The following ARL15 variants were observed in gnomAD, a reference collection of about 807,000 sequenced individuals.
The protein encoded by ARL15 is ARF like GTPase 15.
In ARL15, 19 loss-of-function variants were observed where a neutral mutation model predicts 25.2. The observed-to-expected ratio is 0.75, with a 90% CI of 0.53 to 1.10. ARL15 has a LOEUF of 1.10. Ranked by LOEUF, ARL15 falls within the 50% of genes least tolerant of loss-of-function variation. The pLI is 0.00. For missense variants in ARL15, 220 were observed against 246.0 expected (o/e 0.89, Z 0.71); for synonymous variants, 94 against 86.8 (o/e 1.08, Z -0.46).
rs375545416 is a variant in ARL15, at chr5:54,069,254, TG to T, written c.462+43947del. On this transcript the variant is annotated intron_variant, in intron 4 of 4. Coordinates refer to ENST00000504924, the MANE Select transcript of ARL15 (RefSeq NM_019087.3). ...TTGTATGTACTATGGTTTGAATCTTTGTCCCCTCCAAAACTCATGTTAAAAC... is the reference window on the plus strand; with the variant it reads ...TTGTATGTACTATGGTTTGAATCTTTTCCCCTCCAAAACTCATGTTAAAAC... Among the ~76,000 whole-genome samples, 642 of 152,240 alleles carry T rather than the reference TG, an allele frequency of 4.2e-3. 4 individuals are homozygous for T. The highest frequency in any genetic ancestry group is 0.015 in the African/African-American group (613 of 41,554).
chr5:54,154,349 T>C (rs1443955762), intron 3 of ARL15: 10 of 390,546 alleles, frequency 2.6e-5, no homozygotes, highest in Non-Finnish European at 4.5e-5. Context: ...CCAATAATAG[T>C]GTAATTCTTT....
At chr5:54,067,513 T>A (rs1751278013) in intron 4 of ARL15, among the ~76,000 whole-genome samples, 1 of 152,136 alleles carries the variant, frequency 6.6e-6, no homozygotes, top group African/African-American at 2.4e-5. Context: ...AAAAAGGGGA[T>A]TTCAGAATAA....
intron 3 of ARL15, among the ~76,000 whole-genome samples, chr5:54,152,497 A>C (rs1219271166): frequency 6.6e-6 from 1 of 152,200 alleles, no homozygotes; most frequent in East Asian, 1.9e-4. Context: ...AGGATACACA[A>C]TTGGATTCTA....
At chr5:54,080,354 T>C (rs536813099) in intron 4 of ARL15, among the ~76,000 whole-genome samples, 2 of 152,370 alleles carry the variant, frequency 1.3e-5, no homozygotes, top group African/African-American at 2.4e-5. Context: ...ACAAATGATA[T>C]GGTATTCAAG....
intron 4 of ARL15, among the ~76,000 whole-genome samples, chr5:54,089,582 T>C (rs931591119): frequency 6.6e-6 from 1 of 152,170 alleles, no homozygotes; most frequent in African/African-American, 2.4e-5. Flanking sequence ...TAAGTAAATA[T>C]CCCACAGAAA....
chr5:53,986,931 A>G (rs895687471), intron 4 of ARL15, among the ~76,000 whole-genome samples: 4 of 152,194 alleles, frequency 2.6e-5, no homozygotes, highest in Admixed American at 2.0e-4. Flanking sequence ...GGCAATGTGG[A>G]GAACACAAAA....
chr5:54,092,148 C>T (rs1397810486), intron 4 of ARL15, among the ~76,000 whole-genome samples: 4 of 152,054 alleles, frequency 2.6e-5, no homozygotes, highest in South Asian at 2.1e-4. Flanking sequence ...TGAAAATACA[C>T]GTACAAATAT....
intron 1 of ARL15, among the ~76,000 whole-genome samples, chr5:54,203,100 C>T (rs1293858541): frequency 6.6e-6 from 1 of 152,136 alleles, no homozygotes; most frequent in African/African-American, 2.4e-5. Flanking sequence ...TTTCTCCTCA[C>T]AACTTGGCCT....
intron 4 of ARL15, among the ~76,000 whole-genome samples, chr5:54,018,432 T>C (rs1294015759): frequency 6.6e-6 from 1 of 152,212 alleles, no homozygotes; most frequent in Non-Finnish European, 1.5e-5. Flanking sequence ...AAAAGATTGT[T>C]CTTCAGTCAG....
chr5:54,215,020 T>C (rs1466032202), intron 1 of ARL15, among the ~76,000 whole-genome samples: 1 of 152,106 alleles, frequency 6.6e-6, no homozygotes, highest in East Asian at 1.9e-4. Flanking sequence ...CATACGTGTT[T>C]TTCTTTCCAA....
rs953176301 is a variant in ARL15, at chr5:54,057,628, T to C, written c.462+55574A>G. On this transcript the variant is annotated intron_variant, in intron 4 of 4. Coordinates refer to ENST00000504924, the MANE Select transcript of ARL15 (RefSeq NM_019087.3). ...AGTTTGGGAAACTGAGATGGGAGGA[T>C]CGTTTGAGCCCAAGAGCAGTCTGGG... 2.0e-5 allele frequency among the ~76,000 whole-genome samples: 3 copies of C among 152,258 alleles called. No homozygotes were observed. In the South Asian group the frequency reaches 6.2e-4, roughly 32 times the overall value.
chr5:54,149,715 T>C (rs1416681578), intron 3 of ARL15, among the ~76,000 whole-genome samples: 1 of 152,198 alleles, frequency 6.6e-6, no homozygotes, highest in African/African-American at 2.4e-5. Context: ...AACAAGTCAC[T>C]AGAAGGAAGG....
chr5:54,203,834 A>C (rs1259309696), intron 1 of ARL15, among the ~76,000 whole-genome samples: 1 of 152,160 alleles, frequency 6.6e-6, no homozygotes, highest in African/African-American at 2.4e-5. Flanking sequence ...GGTTTCCCAT[A>C]AAACTACCTT....
At chr5:53,989,835 CA>C (rs1157628026) in intron 4 of ARL15, among the ~76,000 whole-genome samples, 1 of 152,088 alleles carries the variant, frequency 6.6e-6, no homozygotes, top group Non-Finnish European at 1.5e-5. Flanking sequence ...TATGCTTATG[CA>C]AAAGGCACTT....
intron 1 of ARL15, among the ~76,000 whole-genome samples, chr5:54,265,025 G>A (rs1025564010): frequency 1.3e-5 from 2 of 152,130 alleles, no homozygotes; most frequent in African/African-American, 4.8e-5. Context: ...ATAGTTAAAT[G>A]TTCAACACTG....
intron 4 of ARL15, among the ~76,000 whole-genome samples, chr5:54,102,600 C>A (rs1752473151): frequency 6.6e-6 from 1 of 152,066 alleles, no homozygotes; most frequent in East Asian, 1.9e-4. Context: ...TATGCTAACG[C>A]CTGATGAGAG....
At chr5:54,168,315 T>C (rs549752334) in intron 2 of ARL15, among the ~76,000 whole-genome samples, 1 of 152,146 alleles carries the variant, frequency 6.6e-6, no homozygotes, top group African/African-American at 2.4e-5. Context: ...GGATCACTGT[T>C]GGATGTCTTG....
chr5:53,896,544 A>G (rs1483455233), intron 4 of ARL15, among the ~76,000 whole-genome samples: 1 of 151,658 alleles, frequency 6.6e-6, no homozygotes, highest in Non-Finnish European at 1.5e-5. Flanking sequence ...CCCAGGCTGT[A>G]TTGCCATGGC....
intron 4 of ARL15, among the ~76,000 whole-genome samples, chr5:53,938,393 G>A (rs1746422527): frequency 6.6e-6 from 1 of 152,138 alleles, no homozygotes. Context: ...TTACTTTCTT[G>A]TACAAGGAAT....
Sources: gnomAD v4.1 joint callset for allele counts (sites outside exome capture counted in the v4.1 genomes callset) on GRCh38, gnomAD v4.1.1 for gene constraint, MANE v1.5 for transcripts, NCBI Gene and HGNC (gene_info 2026-07-23, HGNC 2026-07-21) for gene names.